FBXW7: variants seen among roughly 807,000 people sequenced by gnomAD.
FBXW7 encodes F-box/WD repeat-containing protein 7.
In FBXW7, 11 loss-of-function variants were observed where a neutral mutation model predicts 86.3. That is an observed-to-expected ratio of 0.13 (90% CI 0.08 to 0.21). FBXW7 has a LOEUF of 0.21. Among genes scored for constraint, FBXW7 ranks in the 10% least tolerant of loss-of-function variants. The pLI is 1.00. For missense variants in FBXW7, 488 were observed against 847.4 expected, an observed-to-expected ratio of 0.58 and a Z score of 5.27; for synonymous variants, 313 against 297.9, an observed-to-expected ratio of 1.05 and a Z score of -0.52.
chr4:152,495,346 C>T, intron 2 of FBXW7, among the ~76,000 whole-genome samples: 1 of 151,962 alleles, frequency 6.6e-6, no homozygotes, highest in East Asian at 1.9e-4. Flanking sequence ...GAGGCTGAGG[C>T]AGAAGAATCG....
At position 152,535,312 on chromosome 4, in the gene FBXW7, AG is replaced by A. The variant is rs1418158595; in HGVS notation, c.-399del. ...GCCGCCCTCGGGACTGGGGCGGGGG[AG>A]GGGGGCTCTAGGAACTCCTCCCGGA... On this transcript the variant is annotated 5_prime_UTR_variant, in exon 1 of 14. Transcript: ENST00000281708. 7.1e-6 allele frequency: 2 copies of A among 281,342 alleles called. No homozygotes were observed. The highest frequency in any genetic ancestry group is 1.3e-5 in the Non-Finnish European group (2 of 153,758). The allele number at this position is 281,342 out of a possible 1,614,324, so 17.4% of individuals were successfully genotyped here. A position where few individuals can be genotyped will look rare whatever the true frequency, so the allele number is the denominator to read the frequency against.
At chr4:152,437,557 G>A (rs915919518) in intron 2 of FBXW7, among the ~76,000 whole-genome samples, 4 of 152,122 alleles carry the variant, frequency 2.6e-5, no homozygotes, top group Non-Finnish European at 4.4e-5. Context: ...CTGAGACAAA[G>A]TTAAACAATT....
At chr4:152,512,767 G>A (rs1748098831) in intron 2 of FBXW7, among the ~76,000 whole-genome samples, 1 of 152,202 alleles carries the variant, frequency 6.6e-6, no homozygotes. Context: ...TCCTTAATGA[G>A]CATCAGGGTT....
intron 2 of FBXW7, among the ~76,000 whole-genome samples, chr4:152,430,887 G>A (rs1739834258): frequency 6.6e-6 from 1 of 151,716 alleles, no homozygotes; most frequent in Non-Finnish European, 1.5e-5. Flanking sequence ...TGGATTCAGG[G>A]TATATACCTT....
intron 2 of FBXW7, among the ~76,000 whole-genome samples, chr4:152,433,055 T>A (rs963241529): frequency 2.0e-5 from 3 of 152,226 alleles, no homozygotes; most frequent in African/African-American, 7.2e-5. Flanking sequence ...GTCGCATGTA[T>A]CAGAAATCCA....
At chr4:152,482,291 T>C (rs1179850382) in intron 2 of FBXW7, among the ~76,000 whole-genome samples, 1 of 152,232 alleles carries the variant, frequency 6.6e-6, no homozygotes, top group Non-Finnish European at 1.5e-5. Context: ...TTAAACATGT[T>C]ATTACACACT....
intron 4 of FBXW7, among the ~76,000 whole-genome samples, chr4:152,358,743 T>C (rs1223634976): frequency 6.6e-6 from 1 of 152,156 alleles, no homozygotes. Context: ...AGTAATGATA[T>C]ACACCTACCT....
intron 4 of FBXW7, among the ~76,000 whole-genome samples, chr4:152,410,533 G>GT (rs5863005): frequency 0.051 from 7,697 of 152,196 alleles, 325 homozygotes; most frequent in African/African-American, 0.11. Context: ...ATTTTAGAAA[G>GT]TAAGGTTTTA....
intron 2 of FBXW7, among the ~76,000 whole-genome samples, chr4:152,493,190 ACT>A (rs2149687407): frequency 6.6e-6 from 1 of 152,026 alleles, no homozygotes; most frequent in African/African-American, 2.4e-5. Flanking sequence ...CCAGAGACAG[ACT>A]CTCGCTTTGT....
chr4:152,533,538 T>C (rs1339002493), intron 2 of FBXW7, among the ~76,000 whole-genome samples: 1 of 152,138 alleles, frequency 6.6e-6, no homozygotes, highest in African/African-American at 2.4e-5. Context: ...AACAATTCAG[T>C]GGGAGAAGTT....
At chr4:152,495,279 A>T (rs76890734) in intron 2 of FBXW7, among the ~76,000 whole-genome samples, 2,233 of 150,936 alleles carry the variant, frequency 0.015, 27 homozygotes, top group Middle Eastern at 0.037. Flanking sequence ...CTAAAAATTT[A>T]AAAAAAAACA....
chr4:152,425,742 C>T (rs1739324169), intron 2 of FBXW7, among the ~76,000 whole-genome samples: 1 of 151,906 alleles, frequency 6.6e-6, no homozygotes, highest in African/African-American at 2.4e-5. Flanking sequence ...TTTTTCGAAA[C>T]CTGGAAACCT....
chr4:152,374,887 A>AGG (rs140074565), intron 4 of FBXW7, among the ~76,000 whole-genome samples: 3 of 150,472 alleles, frequency 2.0e-5, no homozygotes, highest in South Asian at 2.1e-4. Context: ...TAGTTACAGG[A>AGG]GGGGGGGGGA....
At chr4:152,498,583 T>C (rs1313855453) in intron 2 of FBXW7, among the ~76,000 whole-genome samples, 1 of 152,200 alleles carries the variant, frequency 6.6e-6, no homozygotes, top group Non-Finnish European at 1.5e-5. Flanking sequence ...TAAAGAGGCA[T>C]AGTACTAGTT....
At chr4:152,406,115 T>A (rs1031406404) in intron 4 of FBXW7, among the ~76,000 whole-genome samples, 3 of 152,234 alleles carry the variant, frequency 2.0e-5, no homozygotes, top group African/African-American at 7.2e-5. Context: ...CAGATCATTA[T>A]AATACACATA....
chr4:152,430,248 A>G (rs1240628042), intron 2 of FBXW7, among the ~76,000 whole-genome samples: 3 of 152,180 alleles, frequency 2.0e-5, no homozygotes, highest in Non-Finnish European at 2.9e-5. Context: ...TGGCCAACCA[A>G]CAATGCTTTC....
At position 152,334,196 on chromosome 4, in the gene FBXW7, A is replaced by G. The variant is rs1307013196; in HGVS notation, c.862-1477T>C. ...ATGATAGTGAAAAACTTTTTGTGAA[A>G]TAATTACTTTTGGTATATCAGAGAA... On this transcript the variant is annotated intron_variant, in intron 7 of 13. Transcript: ENST00000281708. 2.0e-5 allele frequency among the ~76,000 whole-genome samples: 3 copies of G among 152,222 alleles called. No individual in the cohort carries two copies. The East Asian group carries it at 5.8e-4, about 29-fold the overall frequency.
intron 4 of FBXW7, among the ~76,000 whole-genome samples, chr4:152,386,234 A>C (rs1735517848): frequency 6.6e-6 from 1 of 152,090 alleles, no homozygotes; most frequent in Non-Finnish European, 1.5e-5. Context: ...ACAAATAATA[A>C]GGCAGTGCAA....
chr4:152,328,587 C>T (rs1343838973), intron 10 of FBXW7, 198 bp from the exon 11 acceptor site: 1 of 419,428 alleles, frequency 2.4e-6, no homozygotes, highest in Non-Finnish European at 4.2e-6. Context: ...TTTATATAAG[C>T]ACAAGCAATT....
Sources: allele counts gnomAD v4.1 joint callset (sites outside exome capture counted in the v4.1 genomes callset), GRCh38; gene constraint gnomAD v4.1.1; transcripts MANE v1.5; gene names NCBI Gene and HGNC (gene_info 2026-07-23, HGNC 2026-07-21).